The following LEMD3 variants were observed in gnomAD, a reference collection of about 807,000 sequenced individuals.
LEMD3 encodes inner nuclear membrane protein Man1.
LEMD3 carries 33 observed loss-of-function variants against 95.2 expected under a neutral mutation model. That is an observed-to-expected ratio of 0.35 (90% CI 0.26 to 0.46). The LOEUF is 0.46. LEMD3 is among the 20% of genes least tolerant of loss of function. The pLI, the probability that LEMD3 is intolerant of heterozygous loss-of-function variation, is 1.00. For missense variants in LEMD3, 1,210 were observed against 1,192.8 expected, an observed-to-expected ratio of 1.01 and a Z score of -0.21; for synonymous variants, 525 against 474.6, an observed-to-expected ratio of 1.11 and a Z score of -1.38.
At chr12:65,210,644 A>G (rs913612290) in intron 1 of LEMD3, among the ~76,000 whole-genome samples, 26 of 152,192 alleles carry the variant, frequency 1.7e-4, no homozygotes, top group African/African-American at 6.3e-4. Flanking sequence ...GACATTACTA[A>G]TAAGTGGTAG....
Position 65,248,158 on chromosome 12 carries a change from A to G in LEMD3, c.*1833A>G, listed in dbSNP as rs1871171128. ...ATTTATTATTGTAATATATACTATT[A>G]TGCAGCTTATTTTACCTGAAACTGT... is the stretch of plus-strand genomic sequence containing the variant. On this transcript the variant is annotated 3_prime_UTR_variant, in exon 13 of 13. Coordinates refer to ENST00000308330, the MANE Select transcript of LEMD3 (RefSeq NM_014319.5). 1 of 152,546 alleles carries G rather than the reference A, an allele frequency of 6.6e-6. No homozygotes were observed. Among genetic ancestry groups the G allele is most frequent in the Non-Finnish European group, 1.5e-5 (1 of 67,988 alleles). The allele number at this position is 152,546 out of a possible 1,614,324, so 9.4% of individuals were successfully genotyped here. A position where few individuals can be genotyped will look rare whatever the true frequency, so the allele number is the denominator to read the frequency against.
intron 1 of LEMD3, among the ~76,000 whole-genome samples, chr12:65,202,216 C>T (rs1030129106): frequency 7.2e-5 from 11 of 152,078 alleles, no homozygotes; most frequent in African/African-American, 1.9e-4. Flanking sequence ...TGGGATTTCA[C>T]CATGTTGGCC....
chr12:65,244,756 T>G (rs1001380141), intron 10 of LEMD3, among the ~76,000 whole-genome samples: 37 of 152,036 alleles, frequency 2.4e-4, no homozygotes, highest in Admixed American at 2.0e-3. Flanking sequence ...GAGACCAGCC[T>G]GGGCAATGTG....
At chr12:65,210,202 T>C (rs2136335394) in intron 1 of LEMD3, among the ~76,000 whole-genome samples, 1 of 152,196 alleles carries the variant, frequency 6.6e-6, no homozygotes, top group South Asian at 2.1e-4. Context: ...ATTGTAAATT[T>C]GGAATTGCTT....
intron 1 of LEMD3, among the ~76,000 whole-genome samples, chr12:65,175,795 C>T (rs189306591): frequency 6.6e-6 from 1 of 152,270 alleles, no homozygotes; most frequent in East Asian, 1.9e-4. Flanking sequence ...GTTTACTAGA[C>T]ATCTTTTGGG....
At chr12:65,186,480 C>T (rs1161741057) in intron 1 of LEMD3, among the ~76,000 whole-genome samples, 1 of 151,700 alleles carries the variant, frequency 6.6e-6, no homozygotes, top group Non-Finnish European at 1.5e-5. Flanking sequence ...ATATTCAGTA[C>T]CTTTTAAAAA....
At chr12:65,237,879 A>G (rs1419607987) in intron 4 of LEMD3, among the ~76,000 whole-genome samples, 2 of 152,342 alleles carry the variant, frequency 1.3e-5, no homozygotes, top group Middle Eastern at 3.4e-3. Flanking sequence ...CAAATCTGGA[A>G]GAGTTTGCCA....
intron 4 of LEMD3, among the ~76,000 whole-genome samples, chr12:65,236,500 G>A (rs949819625): frequency 5.3e-5 from 8 of 151,738 alleles, no homozygotes; most frequent in African/African-American, 7.3e-5. Context: ...GCAGTGAGGC[G>A]AGTTCGCACC....
chr12:65,214,026 G>A lies in LEMD3; in HGVS notation c.1561-1951G>A, dbSNP rs552013102. On this transcript the variant is annotated intron_variant, in intron 2 of 12. Transcript: ENST00000308330. ...ATTAAAAATGATTTTGTGGTTTAAT[G>A]TATCACAAATGCTTAGGTTTCAGAA... 1.2e-3 allele frequency among the ~76,000 whole-genome samples: 180 copies of A among 152,266 alleles called. 1 individual carries two copies. The highest frequency in any genetic ancestry group is 4.2e-3 in the African/African-American group (176 of 41,576).
chr12:65,197,202 A>C (rs7956869), intron 1 of LEMD3, among the ~76,000 whole-genome samples: 2 of 152,046 alleles, frequency 1.3e-5, no homozygotes, highest in Non-Finnish European at 2.9e-5. Flanking sequence ...AATGGCTTCT[A>C]TCTGATTTGT....
In LEMD3 at chr12:65,247,622, T is replaced by G. The variant is rs1871155653; in HGVS notation, c.*1297T>G. On this transcript the variant is annotated 3_prime_UTR_variant, in exon 13 of 13. Coordinates refer to ENST00000308330, the MANE Select transcript of LEMD3 (RefSeq NM_014319.5). The stretch of plus-strand genomic sequence containing the variant: ...TGGCTTTTTAAAAATAACCTGTTGA[T>G]ATATAATTGTCAGTCCAAATGAATA... 6.6e-6 allele frequency: 1 copy of G among 152,408 alleles called. No individual in the cohort carries two copies. Among genetic ancestry groups the G allele is most frequent in the South Asian group, 2.1e-4 (1 of 4,828 alleles). 9.4% of individuals were successfully genotyped at this position (152,408 alleles called of 1,614,324 possible).
chr12:65,231,790 CT>C (rs1228066922), intron 4 of LEMD3, among the ~76,000 whole-genome samples: 2 of 151,922 alleles, frequency 1.3e-5, no homozygotes, highest in Admixed American at 6.6e-5. Context: ...CCATTTTCCT[CT>C]AATTAGTATT....
chr12:65,184,513 T>C (rs886830136), intron 1 of LEMD3, among the ~76,000 whole-genome samples: 2 of 152,230 alleles, frequency 1.3e-5, no homozygotes, highest in African/African-American at 4.8e-5. Context: ...TAGTGTTTTC[T>C]CTTATACTTT....
At chr12:65,172,251 TC>T (rs1241728494) in intron 1 of LEMD3, among the ~76,000 whole-genome samples, 2 of 152,210 alleles carry the variant, frequency 1.3e-5, no homozygotes, top group Non-Finnish European at 2.9e-5. Context: ...AAAATGGACT[TC>T]TGAATACATA....
At chr12:65,198,893 A>G (rs914653097) in intron 1 of LEMD3, among the ~76,000 whole-genome samples, 2 of 152,122 alleles carry the variant, frequency 1.3e-5, no homozygotes, top group African/African-American at 4.8e-5. Context: ...AATGCAGAAC[A>G]CACGGATACA....
chr12:65,222,446 G>T (rs1297381449), intron 4 of LEMD3, among the ~76,000 whole-genome samples: 2 of 152,076 alleles, frequency 1.3e-5, no homozygotes, highest in African/African-American at 4.8e-5. Context: ...CTCATAAAAT[G>T]AGTTTGGAAT....
At chr12:65,217,186 G>A (rs995757253) in intron 3 of LEMD3, among the ~76,000 whole-genome samples, 1 of 152,072 alleles carries the variant, frequency 6.6e-6, no homozygotes, top group Non-Finnish European at 1.5e-5. Context: ...TCAGATAGTG[G>A]ATATTTTAGG....
chr12:65,230,055 A>G (rs574517748), intron 4 of LEMD3, among the ~76,000 whole-genome samples: 1 of 152,314 alleles, frequency 6.6e-6, no homozygotes, highest in African/African-American at 2.4e-5. Flanking sequence ...TTTAGTGAAG[A>G]GACTGTCCTC....
rs749097407 is a variant in LEMD3, at chr12:65,170,879, A to G, written c.1283A>G (p.Asn428Ser). 18 of 1,614,110 alleles carry G rather than the reference A, an allele frequency of 1.1e-5. No individual in the cohort carries two copies. Among genetic ancestry groups the G allele is most frequent in the South Asian group, 2.2e-5 (2 of 91,094 alleles). Residue 428 changes from asparagine (N) to serine (S), a missense_variant, in exon 1 of 13, where the codon AAT (asparagine) becomes AGT (serine). Physicochemically the swap from Asn to Ser is conservative, Grantham distance 46. This residue lies in a region of LEMD3 where 749 missense variants were observed against 622.9 expected (regional missense o/e 1.20). Transcript: ENST00000308330. ...AGTTCACTCAGGATCAATCACGCCAATCATACGGGCTCCAATCATACCTAC... is the reference window on the plus strand; with the variant it reads ...AGTTCACTCAGGATCAATCACGCCAGTCATACGGGCTCCAATCATACCTAC... ...ASSSLRINHA[N>S]HTGSNHTYLK...
Sources: gnomAD v4.1 joint callset for allele counts (sites outside exome capture counted in the v4.1 genomes callset) on GRCh38, gnomAD v4.1.1 for gene constraint, gnomAD v4.1.1 regional missense constraint, MANE v1.5 for transcripts, NCBI Gene and HGNC (gene_info 2026-07-23, HGNC 2026-07-21) for gene names.